EIF5B: variants seen among roughly 807,000 people sequenced by gnomAD.
The protein encoded by EIF5B is eukaryotic translation initiation factor 5B, also known as eIF-5B.
EIF5B carries 47 observed loss-of-function variants against 147.5 expected under a neutral mutation model. The ratio of observed to expected loss-of-function variants is 0.32; its 90% CI spans 0.25 to 0.41. The LOEUF is 0.41. Among genes scored for constraint, EIF5B ranks in the 10% least tolerant of loss-of-function variants. The pLI is 1.00. For missense variants in EIF5B, 1,064 were observed against 1,413.2 expected (o/e 0.75, Z 3.96); for synonymous variants, 455 against 456.2 (o/e 1.00, Z 0.03).
chr2:99,337,575 C>G lies in EIF5B; in HGVS notation c.21C>G (p.Asn7Lys). The change falls in exon 1 of 24, where the codon AAC becomes AAG. Residue 7 changes from asparagine (N) to lysine (K), a missense_variant. By Grantham distance (94) the Asn-to-Lys change is moderately conservative (BLOSUM62 0). Transcript: ENST00000289371. ...AAGCAATGGGGAAGAAACAGAAAAA[C>G]AAGAGCGAAGACAGGTAGATAGGGG... MGKKQK[N>K]KSEDSTKDDI... 1 of 1,613,078 alleles carries G rather than the reference C, an allele frequency of 6.2e-7. No homozygotes were observed. Among genetic ancestry groups the G allele is most frequent in the East Asian group, 2.2e-5 (1 of 44,814 alleles).
chr2:99,392,860 C>T (rs1031580484), intron 17 of EIF5B, 107 bp from the exon 18 acceptor site: 76 of 1,039,974 alleles, frequency 7.3e-5, no homozygotes, highest in Non-Finnish European at 9.2e-5. Context: ...TTTTGTGCCT[C>T]GTTTAAGAAA....
At chr2:99,372,790 T>C (rs1038249606) in intron 9 of EIF5B, among the ~76,000 whole-genome samples, 3 of 152,262 alleles carry the variant, frequency 2.0e-5, no homozygotes, top group Admixed American at 6.5e-5. Context: ...GTTTCATGTT[T>C]GGAAAGAATT....
intron 18 of EIF5B, among the ~76,000 whole-genome samples, chr2:99,393,623 C>T (rs1674982737): frequency 6.6e-6 from 1 of 152,166 alleles, no homozygotes; most frequent in Non-Finnish European, 1.5e-5. Flanking sequence ...CTGTTCCCAG[C>T]ACATGGCTCT....
Position 99,389,653 on chromosome 2 carries a change from T to A in EIF5B, c.2272-65T>A, listed in dbSNP as rs1011962468. On this transcript the variant is annotated intron_variant, in intron 14 of 23. Coordinates refer to ENST00000289371, the MANE Select transcript of EIF5B (RefSeq NM_015904.4). ...ACACACATGAGGAATTTTCTGGAGCTATTAATACAGTTCTTGAATGTTCTG... is the reference window on the plus strand; with the variant it reads ...ACACACATGAGGAATTTTCTGGAGCAATTAATACAGTTCTTGAATGTTCTG... 7.5e-6 allele frequency: 11 copies of A among 1,470,738 alleles called. No homozygotes were observed. In the East Asian group the frequency reaches 2.3e-4, roughly 31 times the overall value. 91.1% of individuals were successfully genotyped at this position (1,470,738 alleles called of 1,614,324 possible). A position where few individuals can be genotyped will look rare whatever the true frequency, so the allele number is the denominator to read the frequency against.
intron 21 of EIF5B, among the ~76,000 whole-genome samples, chr2:99,395,535 A>G (rs888278453): frequency 1.3e-5 from 2 of 152,136 alleles, no homozygotes; most frequent in Non-Finnish European, 2.9e-5. Flanking sequence ...GGGTTTCGCC[A>G]TGTTGGCCAG....
intron 14 of EIF5B, among the ~76,000 whole-genome samples, chr2:99,384,875 G>A (rs1022835207): frequency 2.6e-4 from 40 of 152,202 alleles, no homozygotes; most frequent in African/African-American, 7.2e-4. Context: ...TTGAGGTGGA[G>A]TCTCCTTCTG....
In EIF5B at chr2:99,376,433, A is replaced by T; in HGVS notation, c.1639A>T (p.Ser547Cys). Residue 547 changes from serine (S) to cysteine (C), a missense_variant, in exon 10 of 24, where the codon AGT (serine) becomes TGT (cysteine). Around this residue, in one of 4 missense-constraint regions of EIF5B, gnomAD observed 195 missense variants for 186.3 expected, o/e 1.05. Coordinates refer to ENST00000289371, the MANE Select transcript of EIF5B (RefSeq NM_015904.4). ...AGAAGAGGAAGAAGAAGATGAAGAA[A>T]GTGAAGAAGAGGAGGAAGAGGAGGG... Reference protein sequence around the residue: ...EEEEEEEDEESEEEEEEEGES... With the variant: ...EEEEEEEDEECEEEEEEEGES... 6.3e-7 allele frequency: 1 copy of T among 1,582,172 alleles called. No individual in the cohort carries two copies. Among genetic ancestry groups the T allele is most frequent in the Non-Finnish European group, 8.7e-7 (1 of 1,152,814 alleles).
intron 21 of EIF5B, 64 bp from the exon 22 acceptor site, chr2:99,396,696 C>T: frequency 6.6e-7 from 1 of 1,521,626 alleles, no homozygotes; most frequent in Non-Finnish European, 8.8e-7. Flanking sequence ...TGTTCAGCTG[C>T]AGTTTTTCTT....
At chr2:99,366,537 C>T (rs1674332012) in intron 6 of EIF5B, among the ~76,000 whole-genome samples, 1 of 152,002 alleles carries the variant, frequency 6.6e-6, no homozygotes, top group Admixed American at 6.5e-5. Context: ...CATATACATT[C>T]CTACGTTAGA....
At chr2:99,337,614 G>C (rs1379984292) in intron 1 of EIF5B, 25 bp downstream of exon 1, 3 of 1,600,328 alleles carry the variant, frequency 1.9e-6, no homozygotes, top group East Asian at 2.2e-5. Context: ...GGTCCGTACG[G>C]CGGCGGCCGC....
At chr2:99,389,282 C>T (rs1674874121) in intron 14 of EIF5B, among the ~76,000 whole-genome samples, 1 of 152,068 alleles carries the variant, frequency 6.6e-6, no homozygotes, top group Non-Finnish European at 1.5e-5. Context: ...AGATTTAATC[C>T]TAATTTGAGC....
chr2:99,371,444 C>T (rs1323043401), intron 8 of EIF5B, among the ~76,000 whole-genome samples: 3 of 148,836 alleles, frequency 2.0e-5, no homozygotes, highest in South Asian at 2.1e-4. Context: ...GCCGAGATCA[C>T]GCCACCGCAC....
Position 99,399,992 on chromosome 2 carries a change from T to C in EIF5B, c.*578T>C, listed in dbSNP as rs746983808. On this transcript the variant is annotated 3_prime_UTR_variant, in exon 24 of 24. Transcript: ENST00000289371. ...GCACAGCTGGCTGCTTTTTACTGCT[T>C]GTGTAGTCACGAGTCCATTGTAATC... 8.5e-5 allele frequency: 13 copies of C among 152,860 alleles called. No individual in the cohort carries two copies. Among genetic ancestry groups the C allele is most frequent in the Non-Finnish European group, 1.8e-4 (12 of 68,252 alleles). The allele number at this position is 152,860 out of a possible 1,614,324, so 9.5% of individuals were successfully genotyped here. A position where few individuals can be genotyped will look rare whatever the true frequency, so the allele number is the denominator to read the frequency against.
At position 99,393,103 on chromosome 2, in the gene EIF5B, G is replaced by C; in HGVS notation, c.2880+5G>C. On this transcript the variant is annotated splice_donor_5th_base_variant and intron_variant, in intron 18 of 23. Transcript: ENST00000289371. ...GATGAAATCCCTGTTCTTAAAGTAAGTTCATTTAAAAATTTTTTTCCTTAA... is the reference window on the plus strand; with the variant it reads ...GATGAAATCCCTGTTCTTAAAGTAACTTCATTTAAAAATTTTTTTCCTTAA... The C allele has an allele frequency of 6.6e-7, 1 of 1,519,512 alleles. No individual in the cohort carries two copies. The highest frequency in any genetic ancestry group is 1.3e-5 in the South Asian group (1 of 76,844). The allele number at this position is 1,519,512 out of a possible 1,614,324, so 94.1% of individuals were successfully genotyped here.
In EIF5B at chr2:99,363,887, A is replaced by G. The variant is rs548433328; in HGVS notation, c.1137+25A>G. 19 of 1,584,512 alleles carry G rather than the reference A, an allele frequency of 1.2e-5. No homozygotes were observed. The Middle Eastern group carries it at 5.1e-4, about 42-fold the overall frequency. ...GGTATGTTTTCATGAAGTTGGTAAC[A>G]TTGATATTGTGTTTAACTTAAAATC... On this transcript the variant is annotated intron_variant, in intron 5 of 23. Transcript: ENST00000289371.
rs1431524704 is a variant in EIF5B at position 99,390,206 on chromosome 2, T to C, written c.2404-13T>C. The C allele has an allele frequency of 4.3e-6, 7 of 1,613,442 alleles. No homozygotes were observed. The highest frequency in any genetic ancestry group is 5.9e-6 in the Non-Finnish European group (7 of 1,179,486). On this transcript the variant is annotated splice_polypyrimidine_tract_variant and intron_variant, in intron 15 of 23. Coordinates refer to ENST00000289371, the MANE Select transcript of EIF5B (RefSeq NM_015904.4). ...CTTTACAGCCTGGCATTTTGGATGA[T>C]TTTTGCTCCTAGGGTTTGAATGCTG...
At chr2:99,373,591 G>C (rs1366959929) in intron 9 of EIF5B, among the ~76,000 whole-genome samples, 1 of 151,982 alleles carries the variant, frequency 6.6e-6, no homozygotes, top group Non-Finnish European at 1.5e-5. Context: ...AATTTTAGAG[G>C]GGACACCATT....
At chr2:99,381,603 T>C (rs1674691545) in intron 12 of EIF5B, among the ~76,000 whole-genome samples, 1 of 151,302 alleles carries the variant, frequency 6.6e-6, no homozygotes, top group South Asian at 2.1e-4. Flanking sequence ...ATGTCCAGAT[T>C]AGATCTGTTG....
At chr2:99,396,021 A>G (rs1346779960) in intron 21 of EIF5B, among the ~76,000 whole-genome samples, 1 of 152,176 alleles carries the variant, frequency 6.6e-6, no homozygotes, top group East Asian at 1.9e-4. Context: ...TTAGGAAGTC[A>G]GTGGCAAGAG....
Sources: gnomAD v4.1 joint callset for allele counts (sites outside exome capture counted in the v4.1 genomes callset) on GRCh38, gnomAD v4.1.1 for gene constraint, gnomAD v4.1.1 regional missense constraint, MANE v1.5 for transcripts, NCBI Gene and HGNC (gene_info 2026-07-23, HGNC 2026-07-21) for gene names.